TFDP2: variants seen among roughly 807,000 people sequenced by gnomAD.
The protein encoded by TFDP2 is transcription factor Dp-2 (E2F dimerization partner 2).
In TFDP2, 17 loss-of-function variants were observed where a neutral mutation model predicts 59.3. The observed-to-expected ratio is 0.29, with a 90% confidence interval of 0.20 to 0.43. The LOEUF is 0.43. TFDP2 is among the 20% of genes least tolerant of loss of function. The pLI, the probability that TFDP2 is intolerant of heterozygous loss-of-function variation, is 1.00. For missense variants in TFDP2, 391 were observed against 528.8 expected (o/e 0.74, Z 2.56); for synonymous variants, 180 against 194.7 (o/e 0.92, Z 0.63).
intron 1 of TFDP2, among the ~76,000 whole-genome samples, chr3:142,147,114 TATAA>T (rs1480836989): frequency 2.0e-5 from 3 of 150,480 alleles, no homozygotes; most frequent in Non-Finnish European, 4.4e-5. Flanking sequence ...ACTATGACAC[TATAA>T]ATAGTCTCTC....
At position 142,138,910 on chromosome 3, in the gene TFDP2, G is replaced by T. The variant is rs972532771; in HGVS notation, c.-93+10273C>A. Among the ~76,000 whole-genome samples the T allele has an allele frequency of 1.3e-4, 20 of 152,296 alleles. No individual in the cohort carries two copies. The South Asian group carries it at 1.7e-3, about 13-fold the overall frequency. On this transcript the variant is annotated intron_variant, in intron 1 of 12. Coordinates refer to ENST00000489671, the MANE Select transcript of TFDP2 (RefSeq NM_001178139.2). ...CCACTTGGTGCAGAACTGAGTTCAA[G>T]TCCTGGATATCTTTGTTAGTCTTCT...
chr3:142,044,004 T>C (rs1275412771), intron 3 of TFDP2: 9 of 703,102 alleles, frequency 1.3e-5, no homozygotes, highest in South Asian at 1.2e-4. Context: ...CAAGGTCTTT[T>C]TCCGGCATCA....
At chr3:142,003,068 T>A (rs1560011874) in intron 4 of TFDP2, among the ~76,000 whole-genome samples, 2 of 151,758 alleles carry the variant, frequency 1.3e-5, no homozygotes, top group Non-Finnish European at 2.9e-5. Context: ...AGTGCCGCGA[T>A]CTCTGCTCAC....
chr3:141,957,652 T>C (rs548130269), intron 11 of TFDP2, among the ~76,000 whole-genome samples: 2 of 152,274 alleles, frequency 1.3e-5, no homozygotes, highest in South Asian at 4.1e-4. Flanking sequence ...AATGAAATAC[T>C]GATGGTGCTA....
chr3:142,049,059 A>G (rs917596295), intron 3 of TFDP2, among the ~76,000 whole-genome samples: 5 of 152,356 alleles, frequency 3.3e-5, no homozygotes, highest in Non-Finnish European at 7.3e-5. Flanking sequence ...CAGATTTCTT[A>G]TAAAAAGTGT....
At chr3:141,977,687 T>A (rs1454981953) in intron 7 of TFDP2, among the ~76,000 whole-genome samples, 1 of 151,928 alleles carries the variant, frequency 6.6e-6, no homozygotes, top group African/African-American at 2.4e-5. Flanking sequence ...TCAGAAACAA[T>A]AAAAAATTAT....
chr3:142,013,780 T>G (rs1944906553), intron 3 of TFDP2, among the ~76,000 whole-genome samples: 1 of 152,118 alleles, frequency 6.6e-6, no homozygotes, highest in Non-Finnish European at 1.5e-5. Flanking sequence ...TATTTTTTTT[T>G]CCACTATAAT....
intron 3 of TFDP2, among the ~76,000 whole-genome samples, chr3:142,010,306 A>C (rs1944556697): frequency 6.6e-6 from 1 of 152,198 alleles, no homozygotes; most frequent in Admixed American, 6.5e-5. Context: ...GCTTGATTTT[A>C]ATAATTAAAA....
At chr3:141,992,213 C>T (rs368251527) in intron 6 of TFDP2, among the ~76,000 whole-genome samples, 138 of 151,486 alleles carry the variant, frequency 9.1e-4, no homozygotes, top group African/African-American at 3.2e-3. Flanking sequence ...GTTTGACAGA[C>T]GGGTGGTGGG....
chr3:142,145,378 T>C (rs1285644600), intron 1 of TFDP2: 1 of 152,086 alleles, frequency 6.6e-6, no homozygotes, highest in Non-Finnish European at 1.5e-5. Context: ...ATCACTGAAG[T>C]TAGATGTAAT....
chr3:142,103,459 A>G (rs746481313), intron 1 of TFDP2, among the ~76,000 whole-genome samples: 4 of 152,128 alleles, frequency 2.6e-5, no homozygotes, highest in Non-Finnish European at 5.9e-5. Flanking sequence ...TCTTTTCCTC[A>G]CATCTTTTTG....
chr3:142,005,816 C>T (rs910556382), intron 3 of TFDP2, among the ~76,000 whole-genome samples: 1 of 152,014 alleles, frequency 6.6e-6, no homozygotes, highest in African/African-American at 2.4e-5. Context: ...CAATTAACTA[C>T]GAAACTTTCA....
chr3:141,998,011 C>T (rs1041364513), intron 4 of TFDP2, among the ~76,000 whole-genome samples: 2 of 152,006 alleles, frequency 1.3e-5, no homozygotes, highest in African/African-American at 2.4e-5. Flanking sequence ...TTGTTAGCTG[C>T]GGCTGATCGG....
intron 1 of TFDP2, among the ~76,000 whole-genome samples, chr3:142,119,022 G>C (rs1248421437): frequency 4.6e-5 from 7 of 152,150 alleles, no homozygotes; most frequent in African/African-American, 1.7e-4. Context: ...CTAACTGGGT[G>C]TAGTGGCAGG....
At chr3:142,000,310 G>A (rs1560006424) in intron 4 of TFDP2, 1 of 702,834 alleles carries the variant, frequency 1.4e-6, no homozygotes, top group Non-Finnish European at 2.6e-6. Flanking sequence ...AGTGCCTGGT[G>A]AGGGTTTATT....
intron 6 of TFDP2, among the ~76,000 whole-genome samples, chr3:141,983,575 T>C (rs1941725871): frequency 6.6e-6 from 1 of 150,860 alleles, no homozygotes; most frequent in African/African-American, 2.4e-5. Context: ...GAGGCAAAGG[T>C]TGCAGTTCAC....
intron 3 of TFDP2, among the ~76,000 whole-genome samples, chr3:142,050,084 TG>T (rs1405011056): frequency 6.6e-6 from 1 of 151,214 alleles, no homozygotes; most frequent in African/African-American, 2.4e-5. Flanking sequence ...CTGGCCAACA[TG>T]GTAAAACCCC....
intron 9 of TFDP2, among the ~76,000 whole-genome samples, chr3:141,965,014 T>C (rs1374745038): frequency 6.6e-6 from 1 of 152,168 alleles, no homozygotes; most frequent in African/African-American, 2.4e-5. Flanking sequence ...ATTGCACCAC[T>C]GCACTCCAGC....
intron 3 of TFDP2, among the ~76,000 whole-genome samples, chr3:142,057,851 A>C (rs902446089): frequency 2.0e-5 from 3 of 152,130 alleles, no homozygotes; most frequent in African/African-American, 4.8e-5. Context: ...TGGCTTTATA[A>C]AGTTCTCCAT....
Sources: allele counts gnomAD v4.1 joint callset (sites outside exome capture counted in the v4.1 genomes callset), GRCh38; gene constraint gnomAD v4.1.1; transcripts MANE v1.5; gene names NCBI Gene and HGNC (gene_info 2026-07-23, HGNC 2026-07-21).